The following KSR2 variants were observed in gnomAD, a reference collection of about 807,000 sequenced individuals.
The protein encoded by KSR2 is kinase suppressor of ras 2.
A neutral mutation model predicts 107.8 loss-of-function variants in KSR2; 25 were observed. The ratio of observed to expected loss-of-function variants is 0.23; its 90% CI spans 0.17 to 0.32. The LOEUF (loss-of-function observed/expected upper bound fraction) is 0.32, where lower values mean the gene tolerates loss of function less well. Ranked by LOEUF, KSR2 falls within the 10% of genes least tolerant of loss-of-function variation. The pLI, the probability that KSR2 is intolerant of heterozygous loss-of-function variation, is 1.00. For synonymous variants in KSR2, 480 were observed against 507.0 expected, an observed-to-expected ratio of 0.95 and a Z score of 0.71; for missense variants, 887 against 1,268.9, an observed-to-expected ratio of 0.70 and a Z score of 4.57.
intron 1 of KSR2, among the ~76,000 whole-genome samples, chr12:117,956,249 C>CATAAAAAAA (rs1491387208): frequency 2.1e-5 from 1 of 47,478 alleles, no homozygotes; most frequent in Non-Finnish European, 3.9e-5. Flanking sequence ...GACTCTGTCT[C>CATAAAAAAA]AAAAAAAAAA....
chr12:117,639,064 C>A (rs548022061), intron 5 of KSR2, among the ~76,000 whole-genome samples: 2 of 152,006 alleles, frequency 1.3e-5, no homozygotes, highest in Admixed American at 1.3e-4. Flanking sequence ...CTTTATTTTA[C>A]AAAAAAGGCA....
At chr12:117,791,803 A>G (rs947421348) in intron 3 of KSR2, among the ~76,000 whole-genome samples, 4 of 152,210 alleles carry the variant, frequency 2.6e-5, no homozygotes, top group Admixed American at 6.5e-5. Flanking sequence ...CACTGCCCAG[A>G]TCCATGGATT....
At chr12:117,828,172 C>A (rs1039765252) in intron 3 of KSR2, among the ~76,000 whole-genome samples, 3 of 152,160 alleles carry the variant, frequency 2.0e-5, no homozygotes, top group Non-Finnish European at 4.4e-5. Flanking sequence ...CCGCTGCGTC[C>A]CCAGGGCCTA....
At chr12:117,674,906 T>A (rs1170357811) in intron 4 of KSR2, among the ~76,000 whole-genome samples, 1 of 152,208 alleles carries the variant, frequency 6.6e-6, no homozygotes, top group Non-Finnish European at 1.5e-5. Flanking sequence ...CATCTTGGAC[T>A]CTAGCTGTTC....
chr12:117,603,681 A>C (rs769232189), intron 5 of KSR2, among the ~76,000 whole-genome samples: 42 of 152,220 alleles, frequency 2.8e-4, no homozygotes, highest in Admixed American at 7.2e-4. Flanking sequence ...GGGCAAAATG[A>C]GAAATAAAAA....
intron 4 of KSR2, among the ~76,000 whole-genome samples, chr12:117,753,947 CGTGTGTGTGTGTGTGTGT>C (rs34174404): frequency 0.091 from 11,758 of 129,012 alleles, 526 homozygotes; most frequent in Middle Eastern, 0.15. Context: ...AAGTATAGAG[CGTGTGTGTGTGTGTGTGT>C]GTGTGTGTGT....
At chr12:117,700,144 G>C (rs1886245415) in intron 4 of KSR2, among the ~76,000 whole-genome samples, 1 of 151,858 alleles carries the variant, frequency 6.6e-6, no homozygotes, top group African/African-American at 2.4e-5. Context: ...GCCTTCCAAA[G>C]CACTCCATTA....
intron 1 of KSR2, among the ~76,000 whole-genome samples, chr12:117,865,764 G>A (rs1194955441): frequency 6.6e-6 from 1 of 152,180 alleles, no homozygotes; most frequent in Non-Finnish European, 1.5e-5. Flanking sequence ...AAGACCAGAA[G>A]TTAAATGGCA....
At chr12:117,850,943 C>T (rs1472606082) in intron 3 of KSR2, among the ~76,000 whole-genome samples, 1 of 152,144 alleles carries the variant, frequency 6.6e-6, no homozygotes, top group South Asian at 2.1e-4. Flanking sequence ...AAAAGAGAGG[C>T]ATTCATTTAA....
At chr12:117,862,224 G>A (rs946732235) in intron 1 of KSR2, among the ~76,000 whole-genome samples, 1 of 151,984 alleles carries the variant, frequency 6.6e-6, no homozygotes, top group Admixed American at 6.6e-5. Context: ...ACCAAACCTG[G>A]CCTATATTAT....
Position 117,968,560 on chromosome 12 carries a change from G to C in KSR2, c.-305C>G. ...TTCTCAGAAGCAAACCAGGTGATGTGATGCTGTCTGTACACTTAGGGAGGA... is the reference window on the plus strand; with the variant it reads ...TTCTCAGAAGCAAACCAGGTGATGTCATGCTGTCTGTACACTTAGGGAGGA... On this transcript the variant is annotated 5_prime_UTR_variant, in exon 1 of 20. It adds an upstream start codon to the 5' untranslated region. Coordinates refer to ENST00000339824, the MANE Select transcript of KSR2 (RefSeq NM_173598.6). 1 of 986,628 alleles carries C rather than the reference G, an allele frequency of 1.0e-6. No homozygotes were observed. The highest frequency in any genetic ancestry group is 1.3e-6 in the Non-Finnish European group (1 of 779,450). 61.1% of individuals were successfully genotyped at this position (986,628 alleles called of 1,614,324 possible). A position where few individuals can be genotyped will look rare whatever the true frequency, so the allele number is the denominator to read the frequency against.
At chr12:117,773,038 T>C (rs760377555) in intron 3 of KSR2, among the ~76,000 whole-genome samples, 1 of 152,232 alleles carries the variant, frequency 6.6e-6, no homozygotes, top group Admixed American at 6.5e-5. Flanking sequence ...GGCTTCTAAA[T>C]TGACAGGGAT....
At chr12:117,601,865 C>T (rs1880974702) in intron 5 of KSR2, among the ~76,000 whole-genome samples, 1 of 152,224 alleles carries the variant, frequency 6.6e-6, no homozygotes, top group Admixed American at 6.5e-5. Flanking sequence ...AGAATTCCCA[C>T]CTGACTTCCA....
intron 4 of KSR2, among the ~76,000 whole-genome samples, chr12:117,736,099 G>A (rs752696652): frequency 6.6e-6 from 1 of 152,174 alleles, no homozygotes; most frequent in Non-Finnish European, 1.5e-5. Flanking sequence ...TTTGACCATA[G>A]TTGAATCAAG....
At chr12:117,849,966 A>C (rs909710965) in intron 3 of KSR2, among the ~76,000 whole-genome samples, 1 of 152,270 alleles carries the variant, frequency 6.6e-6, no homozygotes, top group African/African-American at 2.4e-5. Flanking sequence ...GATGAATACA[A>C]TATCACCCTC....
At chr12:117,742,490 T>TATGGATGG (rs36137902) in intron 4 of KSR2, among the ~76,000 whole-genome samples, 2 of 151,068 alleles carry the variant, frequency 1.3e-5, no homozygotes, top group Non-Finnish European at 3.0e-5. Flanking sequence ...TCAGAAAACA[T>TATGGATGG]ATGGATGGAT....
At chr12:117,807,664 C>T (rs953295921) in intron 3 of KSR2, among the ~76,000 whole-genome samples, 1 of 152,246 alleles carries the variant, frequency 6.6e-6, no homozygotes, top group Non-Finnish European at 1.5e-5. Flanking sequence ...CATCCCTACA[C>T]ATCTTGAATT....
At chr12:117,524,012 G>A (rs1046371326) in intron 14 of KSR2, among the ~76,000 whole-genome samples, 10 of 152,078 alleles carry the variant, frequency 6.6e-5, no homozygotes, top group African/African-American at 1.7e-4. Context: ...TGCAGACTAC[G>A]GCCCATGGGA....
intron 19 of KSR2, 78 bp downstream of exon 19, chr12:117,469,584 A>T (rs1871319969): frequency 2.0e-6 from 3 of 1,528,620 alleles, no homozygotes; most frequent in Non-Finnish European, 2.7e-6. Context: ...GGAGTAAAAA[A>T]GATGCAGAGG....
Sources: gnomAD v4.1 joint callset for allele counts (sites outside exome capture counted in the v4.1 genomes callset) on GRCh38, gnomAD v4.1.1 for gene constraint, MANE v1.5 for transcripts, NCBI Gene and HGNC (gene_info 2026-07-23, HGNC 2026-07-21) for gene names.